The following PRAG1 variants were observed in gnomAD, a reference collection of about 807,000 sequenced individuals.
PRAG1 encodes the protein PEAK1 related, kinase-activating pseudokinase 1.
A neutral mutation model predicts 95.6 loss-of-function variants in PRAG1; 110 were observed. The observed-to-expected ratio is 1.15, with a 90% CI of 0.99 to 1.35. The LOEUF is 1.35. PRAG1 is among the 40% of genes most tolerant of loss of function. PRAG1 has a pLI of 0.00. For missense variants in PRAG1, 2,554 were observed against 1,864.7 expected, an observed-to-expected ratio of 1.37 and a Z score of -6.81; for synonymous variants, 1,052 against 819.4, an observed-to-expected ratio of 1.28 and a Z score of -4.85.
intron 3 of PRAG1, among the ~76,000 whole-genome samples, chr8:8,342,050 G>A (rs896367576): frequency 2.6e-5 from 4 of 152,002 alleles, no homozygotes; most frequent in Non-Finnish European, 4.4e-5. Flanking sequence ...AGAATCGCTT[G>A]AACCAAGGAG....
chr8:8,323,460 G>T (rs1403216782), intron 5 of PRAG1, among the ~76,000 whole-genome samples: 2 of 151,958 alleles, frequency 1.3e-5, no homozygotes, highest in African/African-American at 4.8e-5. Context: ...TGGGATTACA[G>T]GTGCCTACCA....
At position 8,381,788 on chromosome 8, in the gene PRAG1, T is replaced by A. The variant is rs1252963799; in HGVS notation, c.-41A>T. 6.7e-7 allele frequency: 1 copy of A among 1,494,796 alleles called. No individual in the cohort carries two copies. Among genetic ancestry groups the A allele is most frequent in the Non-Finnish European group, 9.0e-7 (1 of 1,113,572 alleles). 92.6% of individuals were successfully genotyped at this position (1,494,796 alleles called of 1,614,324 possible). ...TGCTGGTTCATCTTGCGCCCGGCTCTCTGGTGCAGTTTTGTGGGATTCAGA... is the reference window on the plus strand; with the variant it reads ...TGCTGGTTCATCTTGCGCCCGGCTCACTGGTGCAGTTTTGTGGGATTCAGA... On this transcript the variant is annotated 5_prime_UTR_variant, in exon 2 of 6. An upstream open reading frame in the 5' UTR gains an earlier in-frame stop. Transcript: ENST00000615670.
intron 5 of PRAG1, among the ~76,000 whole-genome samples, chr8:8,325,023 C>G (rs774202704): frequency 1.8e-4 from 27 of 152,190 alleles, no homozygotes; most frequent in Non-Finnish European, 3.7e-4. Context: ...CGACCGCAAA[C>G]GAGGCTCCGT....
In PRAG1 at chr8:8,377,847, C is replaced by T. The variant is rs752793188; in HGVS notation, c.562G>A (p.Val188Met). The T allele has an allele frequency of 5.8e-5, 94 of 1,614,024 alleles. No individual in the cohort carries two copies. The highest frequency in any genetic ancestry group is 1.6e-4 in the Middle Eastern group (1 of 6,084). Reference sequence around the variant, plus strand: ...GGAAATGAGGGTTTTTCTTTGTGCACAGCCTTCTCCTCCGGGAAGCTCACC... The same window carrying T: ...GGAAATGAGGGTTTTTCTTTGTGCATAGCCTTCTCCTCCGGGAAGCTCACC... ...HPVSFPEEKAVHKEKPSFPYQ... is the reference protein window; with the variant it reads ...HPVSFPEEKAMHKEKPSFPYQ... Residue 188 changes from valine (V) to methionine (M), a missense_variant, in exon 3 of 6, where the codon GTG becomes ATG. By Grantham distance (21) the Val-to-Met change is conservative. Transcript: ENST00000615670.
chr8:8,344,976 C>T (rs1799284691), intron 3 of PRAG1, among the ~76,000 whole-genome samples: 2 of 151,452 alleles, frequency 1.3e-5, no homozygotes, highest in African/African-American at 4.9e-5. Flanking sequence ...TCACTGTTGT[C>T]AAAACTCTCA....
intron 4 of PRAG1, among the ~76,000 whole-genome samples, chr8:8,333,156 G>A (rs1047374868): frequency 5.3e-5 from 8 of 152,192 alleles, no homozygotes; most frequent in African/African-American, 1.7e-4. Flanking sequence ...ACAATTAAGG[G>A]TGCAAAAGGG....
intron 4 of PRAG1, among the ~76,000 whole-genome samples, chr8:8,330,935 C>A (rs537769184): frequency 2.6e-5 from 4 of 152,218 alleles, no homozygotes; most frequent in Non-Finnish European, 5.9e-5. Context: ...AGTCACCAAA[C>A]TCCCAGCCTG....
chr8:8,365,578 C>A (rs1490160949), intron 3 of PRAG1, among the ~76,000 whole-genome samples: 1 of 151,718 alleles, frequency 6.6e-6, no homozygotes, highest in African/African-American at 2.4e-5. Context: ...GAGCTGACAT[C>A]GCGCCATTGC....
chr8:8,384,735 T>C (rs1355821434), intron 1 of PRAG1, among the ~76,000 whole-genome samples: 1 of 152,120 alleles, frequency 6.6e-6, no homozygotes, highest in Non-Finnish European at 1.5e-5. Context: ...TTGCCTCGCC[T>C]TGCCTGGTGC....
intron 3 of PRAG1, among the ~76,000 whole-genome samples, chr8:8,351,871 A>G (rs1016011348): frequency 6.6e-6 from 1 of 152,086 alleles, no homozygotes; most frequent in African/African-American, 2.4e-5. Flanking sequence ...CCCAGCACAC[A>G]TCTACCTCTG....
Position 8,318,830 on chromosome 8 carries a change from G to A in PRAG1, c.3545C>T (p.Ser1182Phe), listed in dbSNP as rs1355502059. The A allele has an allele frequency of 2.3e-6, 3 of 1,332,584 alleles. No homozygotes were observed. Among genetic ancestry groups the A allele is most frequent in the Non-Finnish European group, 1.9e-6 (2 of 1,041,870 alleles). 82.5% of individuals were successfully genotyped at this position (1,332,584 alleles called of 1,614,324 possible). Residue 1182 changes from serine (S) to phenylalanine (F), a missense_variant, in exon 6 of 6, where the codon TCC becomes TTC. Transcript: ENST00000615670. The surrounding 1 kb of genome is among the most constrained non-coding windows in gnomAD (Gnocchi z 4.2). The stretch of plus-strand genomic sequence containing the variant: ...GCCACCAGCAGGCGGGGCGGCAGAG[G>A]AGCAGGGAGGCGCGGCGGCGGCGGG... ...PAPAAAAPPCSSAAPPAGGTL... is the reference protein window; with the variant it reads ...PAPAAAAPPCFSAAPPAGGTL...
At chr8:8,327,462 C>A (rs1219619354) in intron 5 of PRAG1, among the ~76,000 whole-genome samples, 3 of 152,154 alleles carry the variant, frequency 2.0e-5, no homozygotes, top group African/African-American at 7.2e-5. Context: ...CCCAGCTACT[C>A]AGGAGGATGA....
intron 3 of PRAG1, among the ~76,000 whole-genome samples, chr8:8,352,330 T>TC (rs1799550085): frequency 6.6e-6 from 1 of 152,162 alleles, no homozygotes; most frequent in African/African-American, 2.4e-5. Flanking sequence ...TCAGTTGACC[T>TC]CCCCATTCTG....
chr8:8,327,648 G>T, intron 5 of PRAG1, 62 bp downstream of exon 5: 1 of 1,550,114 alleles, frequency 6.5e-7, no homozygotes, highest in Non-Finnish European at 8.8e-7. Flanking sequence ...TCAGGCCACA[G>T]TTCTGCCCAA....
At chr8:8,382,169 AGAT>A (rs1585285970) in intron 1 of PRAG1, among the ~76,000 whole-genome samples, 1 of 152,314 alleles carries the variant, frequency 6.6e-6, no homozygotes, top group East Asian at 1.9e-4. Flanking sequence ...GTAGGGTTTA[AGAT>A]GAGAAGCTGG....
At chr8:8,358,039 A>T (rs1209762610) in intron 3 of PRAG1, among the ~76,000 whole-genome samples, 1 of 152,190 alleles carries the variant, frequency 6.6e-6, no homozygotes, top group Non-Finnish European at 1.5e-5. Flanking sequence ...TTGAGGGTTC[A>T]GTTTCAGAAG....
At position 8,377,103 on chromosome 8, in the gene PRAG1, C is replaced by G. The variant is rs1326191401; in HGVS notation, c.1306G>C (p.Ala436Pro). Residue 436 changes from alanine to proline, a missense_variant, in exon 3 of 6, where the codon GCA (alanine) becomes CCA (proline). Ala to Pro is a conservative substitution (Grantham distance 27). Transcript: ENST00000615670. Reference protein sequence around the residue: ...PSKSQAKIEHAAAAQGQGQVC... With the variant: ...PSKSQAKIEHPAAAQGQGQVC... ...TGGCCTTGGCCCTGGGCAGCAGCTG[C>G]ATGTTCTATCTTGGCCTGTGACTTG... 3 of 1,613,590 alleles carry G rather than the reference C, an allele frequency of 1.9e-6. No individual in the cohort carries two copies. The highest frequency in any genetic ancestry group is 1.7e-6 in the Non-Finnish European group (2 of 1,180,022).
chr8:8,371,731 A>T (rs1466758856), intron 3 of PRAG1, among the ~76,000 whole-genome samples: 3 of 151,964 alleles, frequency 2.0e-5, no homozygotes, highest in African/African-American at 7.2e-5. Flanking sequence ...TAGCGGGGGC[A>T]TGGTGGCACG....
In PRAG1 at chr8:8,318,218, T is replaced by C; in HGVS notation, c.4157A>G (p.Gln1386Arg). The C allele has an allele frequency of 6.2e-7, 1 of 1,614,146 alleles. No homozygotes were observed. Among genetic ancestry groups the C allele is most frequent in the Non-Finnish European group, 8.5e-7 (1 of 1,180,016 alleles). ...CCCGGGCTCCGCAGACGCCAGGTAC[T>C]GGCAGCAAAGCCAGTCCTCCAGCTC... ...GVELEDWLCC[Q>R]YLASAEPGAL... is the part of the protein sequence containing the mutation. Residue 1386 changes from glutamine to arginine, a missense_variant, in exon 6 of 6, where the codon CAG becomes CGG. Coordinates refer to ENST00000615670, the MANE Select transcript of PRAG1 (RefSeq NM_001080826.3). This position sits in a 1 kb window ranked among gnomAD's most constrained non-coding sequence, Gnocchi z 4.2.
Sources: gnomAD v4.1 joint callset for allele counts (sites outside exome capture counted in the v4.1 genomes callset) on GRCh38, gnomAD v4.1.1 for gene constraint, Gnocchi (gnomAD v3.1) non-coding constraint, MANE v1.5 for transcripts, NCBI Gene and HGNC (gene_info 2026-07-23, HGNC 2026-07-21) for gene names.